Variants in DLG2 observed in about 807,000 individuals in gnomAD.
DLG2 encodes disks large homolog 2.
A neutral mutation model predicts 132.5 loss-of-function variants in DLG2; 45 were observed. The observed-to-expected ratio is 0.34, with a 90% CI of 0.27 to 0.44. The LOEUF (loss-of-function observed/expected upper bound fraction) is 0.44, where lower values mean the gene tolerates loss of function less well. Ranked by LOEUF, DLG2 falls within the 20% of genes least tolerant of loss-of-function variation. The pLI, the probability that DLG2 is intolerant of heterozygous loss-of-function variation, is 1.00. For synonymous variants in DLG2, 424 were observed against 419.6 expected, an observed-to-expected ratio of 1.01 and a Z score of -0.13; for missense variants, 1,045 against 1,196.9, an observed-to-expected ratio of 0.87 and a Z score of 1.87.
intron 15 of DLG2, among the ~76,000 whole-genome samples, chr11:83,882,364 A>G (rs2066518973): frequency 6.6e-6 from 1 of 152,246 alleles, no homozygotes; most frequent in Admixed American, 6.5e-5. Flanking sequence ...ACTAATGATA[A>G]TTTGCTTAAA....
intron 3 of DLG2, among the ~76,000 whole-genome samples, chr11:85,486,598 C>T (rs1313691045): frequency 6.6e-6 from 1 of 152,114 alleles, no homozygotes; most frequent in Non-Finnish European, 1.5e-5. Flanking sequence ...ACCCAACCTA[C>T]TGATACCACC....
At chr11:85,580,389 A>G (rs542108807) in intron 3 of DLG2, among the ~76,000 whole-genome samples, 1 of 152,272 alleles carries the variant, frequency 6.6e-6, no homozygotes, top group Admixed American at 6.5e-5. Flanking sequence ...CTTCCCACTC[A>G]CTAATGACCC....
rs140141903 is a variant in DLG2 at position 84,103,670 on chromosome 11, G to C, written c.625-4623C>G. Among the ~76,000 whole-genome samples the C allele has an allele frequency of 4.1e-3, 623 of 152,176 alleles. 2 individuals carry two copies. Among genetic ancestry groups the C allele is most frequent in the Admixed American group, 6.7e-3 (102 of 15,274 alleles). Reference sequence around the variant, plus strand: ...ATTTTCTAGCCAAATGACACTTCTTGTTTCATGTACTGCACACCATCTCCT... The same window carrying C: ...ATTTTCTAGCCAAATGACACTTCTTCTTTCATGTACTGCACACCATCTCCT... On this transcript the variant is annotated intron_variant, in intron 9 of 27. Coordinates refer to ENST00000376104, the MANE Select transcript of DLG2 (RefSeq NM_001142699.3).
At chr11:84,137,487 C>A (rs1046646780) in intron 9 of DLG2, among the ~76,000 whole-genome samples, 4 of 151,964 alleles carry the variant, frequency 2.6e-5, no homozygotes, top group Admixed American at 2.0e-4. Context: ...ATGCTGTCTG[C>A]ACATCTTGTG....
At chr11:85,302,561 T>C (rs1219915337) in intron 3 of DLG2, among the ~76,000 whole-genome samples, 1 of 150,454 alleles carries the variant, frequency 6.6e-6, no homozygotes, top group East Asian at 2.0e-4. Context: ...GATGGGCCAG[T>C]AGGTATGAAA....
intron 7 of DLG2, among the ~76,000 whole-genome samples, chr11:84,271,883 C>T (rs1223141597): frequency 1.5e-5 from 2 of 137,352 alleles, no homozygotes; most frequent in African/African-American, 5.6e-5. Context: ...CCCTGCCTGG[C>T]AAGGGATGGC....
chr11:84,809,474 CTGTTCCT>C (rs2076337186), intron 6 of DLG2, among the ~76,000 whole-genome samples: 1 of 150,756 alleles, frequency 6.6e-6, no homozygotes, highest in African/African-American at 2.4e-5. Context: ...AGAAATAAGA[CTGTTCCT>C]ATTTGCATAT....
chr11:84,830,958 A>AG (rs1555246490), intron 6 of DLG2, among the ~76,000 whole-genome samples: 1 of 80,110 alleles, frequency 1.2e-5, no homozygotes, highest in Non-Finnish European at 2.3e-5. Context: ...TCCTCCCCCC[A>AG]CCCCCCCCAG....
intron 6 of DLG2, among the ~76,000 whole-genome samples, chr11:85,028,207 C>T (rs1178850168): frequency 6.6e-6 from 1 of 152,174 alleles, no homozygotes; most frequent in African/African-American, 2.4e-5. Flanking sequence ...TTCTTTCCCA[C>T]AGCTCATCTC....
rs534165726 is a variant in DLG2, at chr11:84,529,060, CT to C, written c.519+5509del. Among the ~76,000 whole-genome samples the C allele has an allele frequency of 9.0e-4, 137 of 151,764 alleles. 1 individual carries two copies. In the Middle Eastern group the frequency reaches 0.01, roughly 11 times the overall value. On this transcript the variant is annotated intron_variant, in intron 7 of 27. Coordinates refer to ENST00000376104, the MANE Select transcript of DLG2 (RefSeq NM_001142699.3). ...CAAAATTGGCCAACCTTAAAACGGA[CT>C]TTTTTTTTCCCCTAGAAAAATGGTA...
chr11:85,159,182 G>T (rs1478044205), intron 4 of DLG2, among the ~76,000 whole-genome samples: 2 of 152,166 alleles, frequency 1.3e-5, no homozygotes, highest in African/African-American at 2.4e-5. Context: ...GGACCCAAAA[G>T]GTCATTGTGG....
chr11:84,121,653 C>T (rs1044607739), intron 9 of DLG2, among the ~76,000 whole-genome samples: 8 of 140,410 alleles, frequency 5.7e-5, no homozygotes, highest in Non-Finnish European at 1.1e-4. Context: ...GTTCCGCCTC[C>T]CGGGTTCACG....
chr11:84,608,942 A>T (rs1478281508), intron 6 of DLG2, among the ~76,000 whole-genome samples: 1 of 152,226 alleles, frequency 6.6e-6, no homozygotes. Context: ...AGAGGGTCAC[A>T]CATCTAGTAA....
In DLG2 at chr11:84,543,253, G is replaced by A. The variant is rs1447473423; in HGVS notation, c.358-8522C>T. ...GTTACATATAGGTTGCAAATCTGGG[G>A]GTGGAGGTAGGTAGTTTCAGATAGG... On this transcript the variant is annotated intron_variant, in intron 6 of 27. Coordinates refer to ENST00000376104, the MANE Select transcript of DLG2 (RefSeq NM_001142699.3). Among the ~76,000 whole-genome samples, 4 of 152,144 alleles carry A rather than the reference G, an allele frequency of 2.6e-5. No homozygotes were observed. In the East Asian group the frequency reaches 5.8e-4, roughly 22 times the overall value.
At chr11:84,158,353 G>A (rs1387683591) in intron 9 of DLG2, among the ~76,000 whole-genome samples, 4 of 152,214 alleles carry the variant, frequency 2.6e-5, no homozygotes, top group Middle Eastern at 3.4e-3. Context: ...ATGAGCCACC[G>A]CCCCTGGCCT....
At chr11:84,911,160 G>A (rs2092021830) in intron 6 of DLG2, among the ~76,000 whole-genome samples, 1 of 152,014 alleles carries the variant, frequency 6.6e-6, no homozygotes, top group South Asian at 2.1e-4. Context: ...ACCCAATAAG[G>A]TGCAATGTTA....
At chr11:83,964,941 A>G (rs755814745) in intron 13 of DLG2, among the ~76,000 whole-genome samples, 1 of 152,124 alleles carries the variant, frequency 6.6e-6, no homozygotes, top group African/African-American at 2.4e-5. Context: ...CCTCTGGTCT[A>G]TTTGCCAGTC....
chr11:84,067,936 T>C (rs1392694024), intron 10 of DLG2, among the ~76,000 whole-genome samples: 1 of 152,150 alleles, frequency 6.6e-6, no homozygotes, highest in African/African-American at 2.4e-5. Flanking sequence ...CCAGCAAACA[T>C]CCACATGGTT....
At chr11:84,276,302 T>C (rs1199127709) in intron 7 of DLG2, among the ~76,000 whole-genome samples, 2 of 152,234 alleles carry the variant, frequency 1.3e-5, no homozygotes, top group African/African-American at 4.8e-5. Flanking sequence ...TTACTTATTA[T>C]TTTTCATTAA....
Sources: allele counts gnomAD v4.1 joint callset (sites outside exome capture counted in the v4.1 genomes callset), GRCh38; gene constraint gnomAD v4.1.1; transcripts MANE v1.5; gene names NCBI Gene and HGNC (gene_info 2026-07-23, HGNC 2026-07-21).